Variants in TCF4 observed in about 807,000 individuals in gnomAD.
TCF4 encodes the protein SL3-3 enhancer factor 2.
Under a neutral mutation model 82.1 loss-of-function variants are expected in TCF4, and 3 were observed. The ratio of observed to expected loss-of-function variants is 0.04; its 90% CI spans 0.02 to 0.09. The LOEUF is 0.09. Ranked by LOEUF, TCF4 falls within the 10% of genes least tolerant of loss-of-function variation. The pLI is 1.00. For missense variants in TCF4, 518 were observed against 852.7 expected, an observed-to-expected ratio of 0.61 and a Z score of 4.89; for synonymous variants, 276 against 309.6, an observed-to-expected ratio of 0.89 and a Z score of 1.14.
chr18:55,469,930 A>G (rs562976028), intron 3 of TCF4, among the ~76,000 whole-genome samples: 10 of 152,264 alleles, frequency 6.6e-5, no homozygotes, highest in Non-Finnish European at 1.0e-4. Context: ...AATACTGAGC[A>G]GACAAGATAA....
chr18:55,277,783 G>T (rs183324155), intron 9 of TCF4, among the ~76,000 whole-genome samples: 3 of 152,038 alleles, frequency 2.0e-5, no homozygotes, highest in South Asian at 4.1e-4. Context: ...ATATCCTTCC[G>T]TCAATGTTTT....
intron 3 of TCF4, among the ~76,000 whole-genome samples, chr18:55,470,478 T>C (rs1308492173): frequency 2.0e-5 from 3 of 152,182 alleles, no homozygotes; most frequent in African/African-American, 7.2e-5. Context: ...ACCATTAGAG[T>C]ATTCTCTTTA....
chr18:55,463,183 A>T (rs1285424527), intron 4 of TCF4, among the ~76,000 whole-genome samples: 2 of 152,224 alleles, frequency 1.3e-5, no homozygotes, highest in Non-Finnish European at 2.9e-5. Context: ...TTGTATGTAC[A>T]TCATAAAAAC....
chr18:55,349,786 G>A (rs1293518056), intron 8 of TCF4, among the ~76,000 whole-genome samples: 2 of 152,058 alleles, frequency 1.3e-5, no homozygotes, highest in African/African-American at 2.4e-5. Context: ...TCTGCATAGA[G>A]CTCCAGCTGT....
At chr18:55,526,382 A>C (rs908931782) in intron 3 of TCF4, among the ~76,000 whole-genome samples, 1 of 152,182 alleles carries the variant, frequency 6.6e-6, no homozygotes, top group Admixed American at 6.5e-5. Context: ...CTTTAATTGA[A>C]CCTTTGTTCA....
At chr18:55,314,917 C>T (rs1000941528) in intron 8 of TCF4, among the ~76,000 whole-genome samples, 7 of 151,960 alleles carry the variant, frequency 4.6e-5, no homozygotes, top group African/African-American at 1.2e-4. Context: ...TAATTCTCAC[C>T]CTTAGGTTTG....
chr18:55,380,793 T>A (rs80325931), intron 6 of TCF4, among the ~76,000 whole-genome samples: 4,397 of 152,276 alleles, frequency 0.029, 233 homozygotes, highest in African/African-American at 0.099. Flanking sequence ...TGCCTAAATA[T>A]TTAAACTATT....
At chr18:55,549,243 G>A (rs781773698) in intron 3 of TCF4, among the ~76,000 whole-genome samples, 1 of 152,046 alleles carries the variant, frequency 6.6e-6, no homozygotes, top group South Asian at 2.1e-4. Context: ...GGAGGCTGCA[G>A]TAAGCCAAGA....
chr18:55,626,482 T>C (rs2097726652), intron 2 of TCF4, among the ~76,000 whole-genome samples: 1 of 152,218 alleles, frequency 6.6e-6, no homozygotes, highest in Admixed American at 6.5e-5. Flanking sequence ...TATATATGTT[T>C]GGTGTTCCAG....
At chr18:55,378,267 T>G (rs891271407) in intron 6 of TCF4, among the ~76,000 whole-genome samples, 1 of 152,346 alleles carries the variant, frequency 6.6e-6, no homozygotes, top group Non-Finnish European at 1.5e-5. Flanking sequence ...ATGGTATAGC[T>G]TGGCTAATAA....
At chr18:55,402,926 G>A (rs2093907901) in intron 6 of TCF4, among the ~76,000 whole-genome samples, 1 of 152,130 alleles carries the variant, frequency 6.6e-6, no homozygotes. Flanking sequence ...TAGCCTGCTG[G>A]CCTTGACTTC....
chr18:55,589,932 C>A, upstream of TCF4: 4 of 676,244 alleles, frequency 5.9e-6, no homozygotes, highest in Non-Finnish European at 7.3e-6. Context: ...CGGTGCTGGT[C>A]GACCACGCCT....
chr18:55,323,991 T>C (rs543422742), intron 8 of TCF4, among the ~76,000 whole-genome samples: 4 of 152,236 alleles, frequency 2.6e-5, no homozygotes, highest in Non-Finnish European at 5.9e-5. Context: ...ATAAACCAAA[T>C]TGTCATGGCT....
At chr18:55,505,330 A>AT (rs1198485903) in intron 3 of TCF4, among the ~76,000 whole-genome samples, 9 of 152,218 alleles carry the variant, frequency 5.9e-5, no homozygotes, top group Non-Finnish European at 1.3e-4. Context: ...AAAGCAATAT[A>AT]TTATTATATT....
chr18:55,438,411 C>T (rs1203283169), intron 5 of TCF4, among the ~76,000 whole-genome samples: 1 of 151,980 alleles, frequency 6.6e-6, no homozygotes, highest in Non-Finnish European at 1.5e-5. Flanking sequence ...GTCTGACAGT[C>T]CCCAGAAGAG....
At chr18:55,594,859 T>C (rs1367856421) in intron 2 of TCF4, among the ~76,000 whole-genome samples, 2 of 152,190 alleles carry the variant, frequency 1.3e-5, no homozygotes, top group East Asian at 1.9e-4. Flanking sequence ...ATGCTTCTCC[T>C]TACAGCTCAG....
intron 6 of TCF4, among the ~76,000 whole-genome samples, chr18:55,375,561 A>C (rs2090523320): frequency 6.6e-6 from 1 of 152,338 alleles, no homozygotes; most frequent in East Asian, 1.9e-4. Context: ...CAAGGAAAAT[A>C]TAACAGAAAG....
At chr18:55,500,182 CA>C (rs925421164) in intron 3 of TCF4, among the ~76,000 whole-genome samples, 216 of 144,006 alleles carry the variant, frequency 1.5e-3, no homozygotes, top group African/African-American at 4.7e-3. Flanking sequence ...ACTTTGTCTC[CA>C]AAAAAAAAAA....
At chr18:55,439,237 T>C (rs922952031) in intron 5 of TCF4, among the ~76,000 whole-genome samples, 11 of 152,132 alleles carry the variant, frequency 7.2e-5, no homozygotes, top group African/African-American at 2.7e-4. Flanking sequence ...GAGTTTTGTT[T>C]GCAGCACAGG....
Sources: allele counts gnomAD v4.1 joint callset (sites outside exome capture counted in the v4.1 genomes callset), GRCh38; gene constraint gnomAD v4.1.1; transcripts MANE v1.5; gene names NCBI Gene and HGNC (gene_info 2026-07-23, HGNC 2026-07-21).